The following UCHL1 variants were observed in gnomAD, a reference collection of about 807,000 sequenced individuals.
UCHL1 encodes ubiquitin C-terminal hydrolase L1.
In UCHL1, 5 loss-of-function variants were observed where a neutral mutation model predicts 33.3. That is an observed-to-expected ratio of 0.15 (90% CI 0.08 to 0.32). The LOEUF is 0.32. Among genes scored for constraint, UCHL1 ranks in the 10% least tolerant of loss-of-function variants. The pLI is 1.00. For missense variants in UCHL1, 236 were observed against 280.0 expected (o/e 0.84, Z 1.12); for synonymous variants, 132 against 108.8 (o/e 1.21, Z -1.33).
chr4:41,268,184 C>G lies in UCHL1; in HGVS notation c.*111C>G. The G allele has an allele frequency of 9.3e-7, 1 of 1,071,262 alleles. No homozygotes were observed. The highest frequency in any genetic ancestry group is 1.4e-6 in the Non-Finnish European group (1 of 715,814). The allele number at this position is 1,071,262 out of a possible 1,614,324, so 66.4% of individuals were successfully genotyped here. A position where few individuals can be genotyped will look rare whatever the true frequency, so the allele number is the denominator to read the frequency against. ...GTACTTGTGAAACACAGCTGTTCTT[C>G]TGTTCTGCAGACACGCCTTCCCCTC... On this transcript the variant is annotated 3_prime_UTR_variant, in exon 9 of 9. Transcript: ENST00000284440.
At chr4:41,266,237 T>TGG (rs1561082752) in intron 8 of UCHL1, among the ~76,000 whole-genome samples, 1 of 151,600 alleles carries the variant, frequency 6.6e-6, no homozygotes, top group African/African-American at 2.4e-5. Context: ...TTTTTTTTTT[T>TGG]TTTTTTTTTT....
intron 8 of UCHL1, among the ~76,000 whole-genome samples, chr4:41,267,156 C>T (rs779876945): frequency 2.0e-5 from 3 of 152,064 alleles, no homozygotes; most frequent in Admixed American, 6.6e-5. Context: ...GAAGTAGTAA[C>T]GCATGTCACT....
In UCHL1 at chr4:41,267,993, G is replaced by A. The variant is rs750290755; in HGVS notation, c.592G>A (p.Ala198Thr). 8 of 1,612,962 alleles carry A rather than the reference G, an allele frequency of 5.0e-6. No individual in the cohort carries two copies. Among genetic ancestry groups the A allele is most frequent in the Non-Finnish European group, 6.8e-6 (8 of 1,179,628 alleles). Reference sequence around the variant, plus strand: ...TGACATTTCTCCTTTCCAGGACGCTGCCAAGGTCTGCAGAGAATTCACCGA... The same window carrying A: ...TGACATTTCTCCTTTCCAGGACGCTACCAAGGTCTGCAGAGAATTCACCGA... ...SSEDTLLKDA[A>T]KVCREFTERE... The change falls in exon 9 of 9, where the codon GCC becomes ACC. Residue 198 changes from alanine to threonine, a missense_variant. Physicochemically the swap from Ala to Thr is moderately conservative, Grantham distance 58. Coordinates refer to ENST00000284440, the MANE Select transcript of UCHL1 (RefSeq NM_004181.5).
At chr4:41,267,954 T>C in intron 8 of UCHL1, 33 bp from the exon 9 acceptor site, 1 of 1,594,124 alleles carries the variant, frequency 6.3e-7, no homozygotes, top group Non-Finnish European at 8.6e-7. Flanking sequence ...GAGCTCTTGC[T>C]GTTTGGATTT....
intron 3 of UCHL1, among the ~76,000 whole-genome samples, 199 bp from the exon 4 acceptor site, chr4:41,260,448 C>T (rs894083699): frequency 3.3e-5 from 5 of 152,218 alleles, no homozygotes; most frequent in Non-Finnish European, 5.9e-5. Flanking sequence ...CTCCGAACCT[C>T]TCAGAGCCCC....
intron 8 of UCHL1, among the ~76,000 whole-genome samples, chr4:41,267,719 T>A (rs1561083250): frequency 6.6e-6 from 1 of 152,132 alleles, no homozygotes; most frequent in Non-Finnish European, 1.5e-5. Flanking sequence ...GGTTTTTTTG[T>A]TTTTGTTTTT....
rs1781185062 is a variant in UCHL1 at position 41,268,199 on chromosome 4, G to GCCTTCCCCTCAGCCACA, written c.*129_*145dup. The GCCTTCCCCTCAGCCACA allele has an allele frequency of 1.1e-5, 10 of 924,378 alleles. No homozygotes were observed. Among genetic ancestry groups the GCCTTCCCCTCAGCCACA allele is most frequent in the South Asian group, 7.1e-5 (5 of 70,170 alleles). 57.3% of individuals were successfully genotyped at this position (924,378 alleles called of 1,614,324 possible). A position where few individuals can be genotyped will look rare whatever the true frequency, so the allele number is the denominator to read the frequency against. ...AGCTGTTCTTCTGTTCTGCAGACAC[G>GCCTTCCCCTCAGCCACA]CCTTCCCCTCAGCCACACCCAGGCA... On this transcript the variant is annotated 3_prime_UTR_variant, in exon 9 of 9. Coordinates refer to ENST00000284440, the MANE Select transcript of UCHL1 (RefSeq NM_004181.5).
At chr4:41,262,669 C>T (rs1055595277) in intron 6 of UCHL1, among the ~76,000 whole-genome samples, 1 of 151,608 alleles carries the variant, frequency 6.6e-6, no homozygotes, top group African/African-American at 2.4e-5. Flanking sequence ...CCTCCATTTC[C>T]CAGGCTGGAA....
At position 41,263,239 on chromosome 4, in the gene UCHL1, G is replaced by T. The variant is rs1191736023; in HGVS notation, c.474G>T (p.Val158=). Residue 158 remains valine (V), a synonymous_variant, in exon 7 of 9, where the codon GTG becomes GTT. Transcript: ENST00000284440. ...QEGQCRVDDK[V]NFHFILFNNV... ...ACTTTCTTTAGGTAGATGACAAGGT[G>T]AATTTCCATTTTATTCTGTTTAACA... The T allele has an allele frequency of 6.2e-7, 1 of 1,614,034 alleles. No individual in the cohort carries two copies.
intron 4 of UCHL1, among the ~76,000 whole-genome samples, chr4:41,261,052 G>A (rs1000654787): frequency 6.6e-6 from 1 of 152,166 alleles, no homozygotes; most frequent in Non-Finnish European, 1.5e-5. Flanking sequence ...CATTGTTATT[G>A]CTATAGGTTT....
Position 41,267,902 on chromosome 4 carries a change from A to G in UCHL1, c.586-85A>G, listed in dbSNP as rs1162560189. ...AAGTTGATGAGGGTGAACTTTGAGCATTAATAGACCTTGGAGCCTTTCCCT... is the reference window on the plus strand; with the variant it reads ...AAGTTGATGAGGGTGAACTTTGAGCGTTAATAGACCTTGGAGCCTTTCCCT... On this transcript the variant is annotated intron_variant, in intron 8 of 8. Transcript: ENST00000284440. 7 of 1,229,486 alleles carry G rather than the reference A, an allele frequency of 5.7e-6. No individual in the cohort carries two copies. The East Asian group carries it at 1.5e-4, about 26-fold the overall frequency. The allele number at this position is 1,229,486 out of a possible 1,614,324, so 76.2% of individuals were successfully genotyped here. A position where few individuals can be genotyped will look rare whatever the true frequency, so the allele number is the denominator to read the frequency against.
chr4:41,257,707 G>T lies in UCHL1; in HGVS notation c.144G>T (p.Ala48=), dbSNP rs548993481. ...GCTCGGTGCCAGCGCCTGCCTGCGC[G>T]CTGCTGCTGCTGTTTCCCCTCACGG... ...SLGSVPAPAC[A]LLLLFPLTAQ... Residue 48 remains alanine (A), a synonymous_variant, in exon 3 of 9, where the codon GCG becomes GCT. Transcript: ENST00000284440. 15 of 1,578,080 alleles carry T rather than the reference G, an allele frequency of 9.5e-6. No individual in the cohort carries two copies. The South Asian group carries it at 1.5e-4, about 16-fold the overall frequency.
intron 4 of UCHL1, 76 bp from the exon 5 acceptor site, chr4:41,261,639 A>G: frequency 6.6e-7 from 1 of 1,512,706 alleles, no homozygotes; most frequent in Non-Finnish European, 9.1e-7. Context: ...ATGTTCAGCA[A>G]AGGCTTAAGT....
intron 8 of UCHL1, among the ~76,000 whole-genome samples, chr4:41,265,804 A>G (rs1460400427): frequency 2.6e-5 from 4 of 152,184 alleles, no homozygotes; most frequent in Non-Finnish European, 2.9e-5. Flanking sequence ...TTGGTATTCA[A>G]GAGGTATGTG....
intron 3 of UCHL1, among the ~76,000 whole-genome samples, chr4:41,257,950 C>G (rs1781009998): frequency 6.6e-6 from 1 of 152,224 alleles, no homozygotes; most frequent in Non-Finnish European, 1.5e-5. Flanking sequence ...TCCACAATTG[C>G]CTTAAATTTG....
In UCHL1 at chr4:41,261,724, C is replaced by G; in HGVS notation, c.335C>G (p.Ser112Ter). Residue 112 changes from serine (S) to a stop codon, truncating the protein, a stop_gained, in exon 5 of 9, where the codon TCA (serine) becomes TGA (stop). Transcript: ENST00000284440. LOFTEE classifies it high-confidence loss of function. ...CCATTTTTTTTTTAAGAGGATGGAT[C>G]AGTTCTGAAACAGTTTCTTTCTGAA... ...NQDKLGFEDG[S>*]VLKQFLSETE... 6.2e-7 allele frequency: 1 copy of G among 1,612,086 alleles called. No individual in the cohort carries two copies. The highest frequency in any genetic ancestry group is 8.5e-7 in the Non-Finnish European group (1 of 1,179,954).
At chr4:41,257,786 T>C in intron 3 of UCHL1, 49 bp downstream of exon 3, 1 of 1,533,474 alleles carries the variant, frequency 6.5e-7, no homozygotes, top group Non-Finnish European at 8.7e-7. Context: ...TGCACGCCGC[T>C]CCCCAGCTTG....
chr4:41,261,863 C>CT lies in UCHL1; in HGVS notation c.412-7dup, dbSNP rs753050379. Reference sequence around the variant, plus strand: ...TAGAGATTTTTGTGCTAATTATTTTCTTTTTTCCGCAGGCCATACAGGCAG... The same window carrying CT: ...TAGAGATTTTTGTGCTAATTATTTTCTTTTTTTCCGCAGGCCATACAGGCAG... On this transcript the variant is annotated splice_polypyrimidine_tract_variant and intron_variant, in intron 5 of 8. Transcript: ENST00000284440. 3.1e-6 allele frequency: 5 copies of CT among 1,614,028 alleles called. No individual in the cohort carries two copies. The highest frequency in any genetic ancestry group is 2.2e-5 in the South Asian group (2 of 91,072).
intron 6 of UCHL1, among the ~76,000 whole-genome samples, chr4:41,262,410 C>T (rs1781084702): frequency 2.0e-5 from 3 of 152,174 alleles, no homozygotes; most frequent in Non-Finnish European, 2.9e-5. Flanking sequence ...CATGTCGCTG[C>T]ACTCCGGTCT....
Sources: gnomAD v4.1 joint callset for allele counts (sites outside exome capture counted in the v4.1 genomes callset) on GRCh38, gnomAD v4.1.1 for gene constraint, MANE v1.5 for transcripts, NCBI Gene and HGNC (gene_info 2026-07-23, HGNC 2026-07-21) for gene names.